Variants in LRMDA observed in about 807,000 individuals in gnomAD.
LRMDA encodes leucine rich melanocyte differentiation associated, also known as leucine-rich melanocyte differentiation-associated protein.
Under a neutral mutation model 29.8 loss-of-function variants are expected in LRMDA, and 18 were observed. That is an observed-to-expected ratio of 0.60 (90% CI 0.42 to 0.90). LRMDA has a LOEUF of 0.90. Among genes scored for constraint, LRMDA ranks in the 40% least tolerant of loss-of-function variants. The pLI, the probability that LRMDA is intolerant of heterozygous loss-of-function variation, is 0.00. For missense variants in LRMDA, 273 were observed against 273.9 expected (o/e 1.00, Z 0.02); for synonymous variants, 125 against 109.4 (o/e 1.14, Z -0.89).
intron 6 of LRMDA, among the ~76,000 whole-genome samples, chr10:76,471,269 A>T (rs1025090221): frequency 2.6e-4 from 40 of 151,826 alleles, no homozygotes; most frequent in African/African-American, 9.7e-4. Flanking sequence ...TTTGTAATAT[A>T]TTTAAATATA....
intron 5 of LRMDA, among the ~76,000 whole-genome samples, chr10:76,273,250 G>A (rs1281386338): frequency 1.3e-5 from 2 of 152,040 alleles, no homozygotes; most frequent in African/African-American, 2.4e-5. Context: ...AGTGTTTTGG[G>A]CTAGTATTTA....
At chr10:75,814,376 T>C (rs1020735960) in intron 2 of LRMDA, among the ~76,000 whole-genome samples, 3 of 152,218 alleles carry the variant, frequency 2.0e-5, no homozygotes, top group African/African-American at 7.2e-5. Flanking sequence ...GCTGTCTGAA[T>C]GTTCCTTTCT....
intron 2 of LRMDA, among the ~76,000 whole-genome samples, chr10:75,969,042 C>T (rs1846917813): frequency 6.6e-6 from 1 of 152,162 alleles, no homozygotes; most frequent in Non-Finnish European, 1.5e-5. Context: ...CCTTTAAAGA[C>T]CAATGGCTTT....
chr10:76,105,337 A>G (rs1180180803), intron 5 of LRMDA, among the ~76,000 whole-genome samples: 1 of 151,514 alleles, frequency 6.6e-6, no homozygotes, highest in East Asian at 2.0e-4. Flanking sequence ...TCTTCACAAT[A>G]AGTGCCTGTG....
intron 6 of LRMDA, among the ~76,000 whole-genome samples, chr10:76,503,771 A>C (rs1025799441): frequency 3.3e-5 from 5 of 151,420 alleles, no homozygotes; most frequent in Admixed American, 6.6e-5. Context: ...ATTCTTTTGA[A>C]GATCTAGGTC....
intron 2 of LRMDA, among the ~76,000 whole-genome samples, chr10:75,940,631 T>C (rs757851382): frequency 4.7e-4 from 71 of 152,316 alleles, no homozygotes; most frequent in Non-Finnish European, 6.5e-4. Flanking sequence ...TCCTTGCCTG[T>C]GAGTTCCTTA....
intron 6 of LRMDA, among the ~76,000 whole-genome samples, chr10:76,525,826 A>G (rs1843169493): frequency 6.6e-6 from 1 of 152,180 alleles, no homozygotes; most frequent in African/African-American, 2.4e-5. Flanking sequence ...TACTGTTAGT[A>G]TGTAGCAATT....
chr10:76,297,990 G>A (rs1840432985), intron 5 of LRMDA, among the ~76,000 whole-genome samples: 1 of 152,228 alleles, frequency 6.6e-6, no homozygotes, highest in African/African-American at 2.4e-5. Context: ...CTGAAGTCGA[G>A]GGCTTGCTGG....
chr10:75,746,619 C>G (rs1842894060), intron 2 of LRMDA, among the ~76,000 whole-genome samples: 1 of 152,102 alleles, frequency 6.6e-6, no homozygotes, highest in Non-Finnish European at 1.5e-5. Flanking sequence ...CTAATGGCCC[C>G]AAAGAATTAC....
At chr10:76,003,330 C>G (rs1041249220) in intron 2 of LRMDA, among the ~76,000 whole-genome samples, 1 of 152,136 alleles carries the variant, frequency 6.6e-6, no homozygotes, top group Non-Finnish European at 1.5e-5. Context: ...CGACTCAAGG[C>G]AAGCCTAGAC....
At chr10:76,074,861 G>T (rs114715970) in intron 5 of LRMDA, among the ~76,000 whole-genome samples, 2 of 152,160 alleles carry the variant, frequency 1.3e-5, no homozygotes. Context: ...CCCAGATCCC[G>T]GTGGTTTAGT....
At chr10:76,223,498 A>C (rs1851887879) in intron 5 of LRMDA, among the ~76,000 whole-genome samples, 1 of 152,172 alleles carries the variant, frequency 6.6e-6, no homozygotes, top group Non-Finnish European at 1.5e-5. Flanking sequence ...CAAAATTCAT[A>C]TGCTGAAATC....
intron 2 of LRMDA, among the ~76,000 whole-genome samples, chr10:75,838,355 T>G (rs1257511020): frequency 1.3e-5 from 2 of 152,264 alleles, no homozygotes; most frequent in African/African-American, 4.8e-5. Context: ...CCAGTGATTC[T>G]GAATAGTTTA....
intron 2 of LRMDA, among the ~76,000 whole-genome samples, chr10:75,833,188 A>G (rs1327301228): frequency 6.6e-6 from 1 of 152,214 alleles, no homozygotes; most frequent in Non-Finnish European, 1.5e-5. Context: ...AATGCATCCT[A>G]ATTTTAATCA....
At chr10:75,579,815 A>G (rs1169350258) in intron 2 of LRMDA, among the ~76,000 whole-genome samples, 2 of 152,228 alleles carry the variant, frequency 1.3e-5, no homozygotes, top group Non-Finnish European at 2.9e-5. Context: ...AACCAATGAC[A>G]AAAATCACAT....
chr10:75,999,397 G>C (rs1847524276), intron 2 of LRMDA, among the ~76,000 whole-genome samples: 1 of 152,164 alleles, frequency 6.6e-6, no homozygotes, highest in African/African-American at 2.4e-5. Flanking sequence ...GGAAGAAAAG[G>C]GAGGAAAATA....
At chr10:75,618,936 C>T (rs1045287983) in intron 2 of LRMDA, among the ~76,000 whole-genome samples, 6 of 152,058 alleles carry the variant, frequency 3.9e-5, no homozygotes, top group Non-Finnish European at 7.4e-5. Flanking sequence ...GTGCGTGCCA[C>T]CACTCCTGGC....
rs184403534 is a variant in LRMDA, at chr10:76,102,459, C to T, written c.516+43676C>T. 1.9e-3 allele frequency among the ~76,000 whole-genome samples: 296 copies of T among 152,196 alleles called. 4 individuals carry two copies. Among genetic ancestry groups the T allele is most frequent in the African/African-American group, 7.0e-3 (289 of 41,528 alleles). ...GTTTGCGAATTCTCATTGTTTAGCT[C>T]GCATTTATAAGTGAGAACCTGCAGT... is the stretch of plus-strand genomic sequence containing the variant. On this transcript the variant is annotated intron_variant, in intron 5 of 6. Transcript: ENST00000611255.
chr10:76,402,083 T>TA (rs1242858403), intron 6 of LRMDA: 1 of 152,232 alleles, frequency 6.6e-6, no homozygotes, highest in African/African-American at 2.4e-5. Flanking sequence ...GGAAGCATGT[T>TA]ACCTTAAAGA....
Sources: gnomAD v4.1 joint callset for allele counts (sites outside exome capture counted in the v4.1 genomes callset) on GRCh38, gnomAD v4.1.1 for gene constraint, MANE v1.5 for transcripts, NCBI Gene and HGNC (gene_info 2026-07-23, HGNC 2026-07-21) for gene names.